PLCL1: variants seen among roughly 807,000 people sequenced by gnomAD.
The protein encoded by PLCL1 is phospholipase C like 1 (inactive), also known as inactive phospholipase C-like protein 1.
PLCL1 carries 41 observed loss-of-function variants against 84.4 expected under a neutral mutation model. The ratio of observed to expected loss-of-function variants is 0.49; its 90% CI spans 0.38 to 0.63. The LOEUF (loss-of-function observed/expected upper bound fraction) is 0.63, where lower values mean the gene tolerates loss of function less well. Ranked by LOEUF, PLCL1 falls within the 30% of genes least tolerant of loss-of-function variation. The probability of loss-of-function intolerance (pLI) is 0.00; values close to 1 mark genes in which losing one functional copy is unlikely to be tolerated. For synonymous variants in PLCL1, 490 were observed against 488.3 expected, an observed-to-expected ratio of 1.00 and a Z score of -0.05; for missense variants, 1,206 against 1,367.8, an observed-to-expected ratio of 0.88 and a Z score of 1.87.
chr2:198,107,424 A>G (rs1693502526), intron 5 of PLCL1, among the ~76,000 whole-genome samples: 1 of 151,880 alleles, frequency 6.6e-6, no homozygotes, highest in South Asian at 2.1e-4. Context: ...ATTACCTGAT[A>G]GTGGTGAGAC....
chr2:198,111,407 A>G (rs1693617856), intron 5 of PLCL1, among the ~76,000 whole-genome samples: 1 of 151,906 alleles, frequency 6.6e-6, no homozygotes, highest in Admixed American at 6.6e-5. Context: ...TTCATGGAGT[A>G]GGACAAATGT....
intron 1 of PLCL1, among the ~76,000 whole-genome samples, chr2:198,028,487 C>T (rs1385573728): frequency 6.6e-6 from 1 of 152,268 alleles, no homozygotes; most frequent in East Asian, 1.9e-4. Flanking sequence ...GAGGATTTAT[C>T]CTGCTTTCAA....
chr2:197,930,329 A>C (rs1217298970), intron 1 of PLCL1, among the ~76,000 whole-genome samples: 1 of 152,196 alleles, frequency 6.6e-6, no homozygotes, highest in Non-Finnish European at 1.5e-5. Context: ...CACTACTTCA[A>C]CAGATCTGTT....
At chr2:197,998,214 T>A (rs920858884) in intron 1 of PLCL1, among the ~76,000 whole-genome samples, 2 of 150,240 alleles carry the variant, frequency 1.3e-5, no homozygotes, top group African/African-American at 2.5e-5. Flanking sequence ...TGTGTGTGTG[T>A]GTGATATGAG....
chr2:197,854,082 G>A (rs1002163919), intron 1 of PLCL1, among the ~76,000 whole-genome samples: 10 of 152,216 alleles, frequency 6.6e-5, no homozygotes, highest in Admixed American at 1.3e-4. Context: ...TGATTCTTAC[G>A]CACATTATTA....
chr2:198,083,266 C>T (rs1019135868), intron 1 of PLCL1, among the ~76,000 whole-genome samples: 4 of 152,076 alleles, frequency 2.6e-5, no homozygotes, highest in African/African-American at 4.8e-5. Context: ...AGGAAAAAAA[C>T]GTGATTTCTA....
chr2:197,880,623 G>A (rs773153754), intron 1 of PLCL1, among the ~76,000 whole-genome samples: 43 of 152,162 alleles, frequency 2.8e-4, no homozygotes, highest in East Asian at 1.3e-3. Flanking sequence ...AAGATGCTTC[G>A]TTAGGATTTT....
At chr2:198,083,345 C>G (rs1027330856) in intron 1 of PLCL1, among the ~76,000 whole-genome samples, 1 of 152,132 alleles carries the variant, frequency 6.6e-6, no homozygotes, top group Non-Finnish European at 1.5e-5. Context: ...TTTAAATCAA[C>G]TTTAAGAAAA....
chr2:198,142,143 G>A (rs369803173), intron 5 of PLCL1, among the ~76,000 whole-genome samples: 143 of 152,228 alleles, frequency 9.4e-4, no homozygotes, highest in African/African-American at 3.1e-3. Flanking sequence ...TTGGTGGGGG[G>A]AGGACTGCAT....
At chr2:197,893,755 T>C (rs1559037593) in intron 1 of PLCL1, among the ~76,000 whole-genome samples, 1 of 149,488 alleles carries the variant, frequency 6.7e-6, no homozygotes, top group Non-Finnish European at 1.5e-5. Context: ...TACCATAGTG[T>C]TTATTTGAAT....
rs574974447 is a variant in PLCL1 at position 197,825,086 on chromosome 2, C to G, written c.240+19747C>G. On this transcript the variant is annotated intron_variant, in intron 1 of 5. Transcript: ENST00000428675. ...TTTGCCTTAGGTGTTTGTCACCTGC[C>G]AGGTTCTCGTGGGTAAGACACAAGT... is the stretch of plus-strand genomic sequence containing the variant. 3.3e-5 allele frequency among the ~76,000 whole-genome samples: 5 copies of G among 152,080 alleles called. 1 individual carries two copies. The South Asian group carries it at 1.0e-3, about 32-fold the overall frequency.
intron 1 of PLCL1, among the ~76,000 whole-genome samples, chr2:198,036,801 C>T (rs1341322560): frequency 4.0e-5 from 6 of 151,266 alleles, no homozygotes; most frequent in African/African-American, 1.2e-4. Context: ...TACATAAATA[C>T]TTAACAGCAA....
chr2:197,909,823 T>A (rs6434944), intron 1 of PLCL1, among the ~76,000 whole-genome samples: 2,004 of 152,268 alleles, frequency 0.013, 41 homozygotes, highest in African/African-American at 0.045. Flanking sequence ...AAATAAAAAG[T>A]CCAGTGGACC....
At position 197,890,701 on chromosome 2, in the gene PLCL1, T is replaced by TATATATATAC. The variant is rs11270566; in HGVS notation, c.240+85363_240+85364insTATATATACA. The stretch of plus-strand genomic sequence containing the variant: ...TTTTTGCTATATATATATATATATA[T>TATATATATAC]ACACACACACATATACGTATATATG... On this transcript the variant is annotated intron_variant, in intron 1 of 5. Transcript: ENST00000428675. Among the ~76,000 whole-genome samples the TATATATATAC allele has an allele frequency of 5.0e-3, 588 of 118,544 alleles. 14 individuals carry two copies. Among genetic ancestry groups the TATATATATAC allele is most frequent in the African/African-American group, 0.019 (487 of 26,210 alleles). 77.8% of individuals were successfully genotyped at this position (118,544 alleles called of 152,430 possible). A position where few individuals can be genotyped will look rare whatever the true frequency, so the allele number is the denominator to read the frequency against.
chr2:198,014,864 C>A (rs534832228), intron 1 of PLCL1, among the ~76,000 whole-genome samples: 10 of 151,958 alleles, frequency 6.6e-5, no homozygotes, highest in Non-Finnish European at 1.5e-4. Context: ...AAATTGTTTT[C>A]CTTTTTATGT....
rs764018961 is a variant in PLCL1, at chr2:198,085,822, G to A, written c.2305G>A (p.Val769Ile). Residue 769 changes from valine (V) to isoleucine (I), a missense_variant, in exon 2 of 6, where the codon GTA becomes ATA. Coordinates refer to ENST00000428675, the MANE Select transcript of PLCL1 (RefSeq NM_006226.4). The surrounding 1 kb of genome is among the most constrained non-coding windows in gnomAD (Gnocchi z 5.3). ...TTGTTCGGAACAAAGAACTAAAACTGTACAGCAAAACAGTGATAATCCTAT... is the reference window on the plus strand; with the variant it reads ...TTGTTCGGAACAAAGAACTAAAACTATACAGCAAAACAGTGATAATCCTAT... Reference protein sequence around the residue: ...ADCSEQRTKTVQQNSDNPIFD... With the variant: ...ADCSEQRTKTIQQNSDNPIFD... 8.6e-5 allele frequency: 138 copies of A among 1,614,004 alleles called. No homozygotes were observed. The South Asian group carries it at 1.3e-3, about 15-fold the overall frequency.
chr2:197,993,349 T>A (rs1278105088), intron 1 of PLCL1, among the ~76,000 whole-genome samples: 5 of 152,258 alleles, frequency 3.3e-5, no homozygotes. Context: ...TGCTTTCTAA[T>A]TAGATTGTTT....
chr2:198,033,085 G>A (rs1036468706), intron 1 of PLCL1, among the ~76,000 whole-genome samples: 4 of 152,180 alleles, frequency 2.6e-5, no homozygotes, highest in Admixed American at 1.3e-4. Flanking sequence ...GTGTTTTATT[G>A]TAGAACAGGT....
intron 1 of PLCL1, among the ~76,000 whole-genome samples, chr2:197,985,751 C>T (rs1234451851): frequency 6.6e-6 from 1 of 152,180 alleles, no homozygotes; most frequent in Non-Finnish European, 1.5e-5. Flanking sequence ...TATTTACTGT[C>T]TGGCCTTTTA....
Sources: allele counts gnomAD v4.1 joint callset (sites outside exome capture counted in the v4.1 genomes callset), GRCh38; gene constraint gnomAD v4.1.1; non-coding constraint Gnocchi (gnomAD v3.1); transcripts MANE v1.5; gene names NCBI Gene and HGNC (gene_info 2026-07-23, HGNC 2026-07-21).